Variants in LMO7 observed in about 807,000 individuals in gnomAD.
LMO7 encodes LIM domain 7.
A neutral mutation model predicts 206.5 loss-of-function variants in LMO7; 120 were observed. That is an observed-to-expected ratio of 0.58 (90% CI 0.50 to 0.68). The LOEUF (loss-of-function observed/expected upper bound fraction) is 0.68, where lower values mean the gene tolerates loss of function less well. Ranked by LOEUF, LMO7 falls within the 30% of genes least tolerant of loss-of-function variation. The pLI, the probability that LMO7 is intolerant of heterozygous loss-of-function variation, is 0.00. For synonymous variants in LMO7, 706 were observed against 681.5 expected (o/e 1.04, Z -0.56); for missense variants, 1,959 against 1,957.9 (o/e 1.00, Z -0.01).
intron 1 of LMO7, among the ~76,000 whole-genome samples, chr13:75,700,347 T>G (rs535297138): frequency 1.4e-4 from 22 of 152,246 alleles, no homozygotes; most frequent in Non-Finnish European, 2.9e-4. Flanking sequence ...ACAATTTATG[T>G]TCAGAGATTG....
At chr13:75,709,295 T>A (rs554761975) in intron 1 of LMO7, among the ~76,000 whole-genome samples, 2 of 152,234 alleles carry the variant, frequency 1.3e-5, no homozygotes, top group Non-Finnish European at 2.9e-5. Flanking sequence ...TGATTTATAA[T>A]CCTTTGGGTA....
chr13:75,798,014 G>A (rs940296061), intron 6 of LMO7, among the ~76,000 whole-genome samples: 3 of 152,100 alleles, frequency 2.0e-5, no homozygotes, highest in Non-Finnish European at 1.5e-5. Context: ...AATTTCAGGG[G>A]GCTTTGAGCA....
At chr13:75,819,949 G>T (rs908973037) in intron 13 of LMO7, among the ~76,000 whole-genome samples, 1 of 152,128 alleles carries the variant, frequency 6.6e-6, no homozygotes, top group Non-Finnish European at 1.5e-5. Flanking sequence ...GTTTAATGGT[G>T]CAATTCATTA....
At chr13:75,636,213 A>T (rs1593953137), upstream of LMO7, 2 of 797,114 alleles carry the variant, frequency 2.5e-6, no homozygotes, top group Non-Finnish European at 3.0e-6. Context: ...GAGCCCGGGG[A>T]GCCAAGGGAG....
chr13:75,779,713 A>G (rs1200818639), intron 4 of LMO7, among the ~76,000 whole-genome samples: 1 of 152,198 alleles, frequency 6.6e-6, no homozygotes, highest in Non-Finnish European at 1.5e-5. Context: ...GGAAAAATTG[A>G]CATAACGCAT....
In LMO7 at chr13:75,807,891, T is replaced by C. The variant is rs765584143; in HGVS notation, c.1608T>C (p.Asp536=). Residue 536 remains aspartate (D), a synonymous_variant, in exon 10 of 31, where the codon GAT becomes GAC. Coordinates refer to ENST00000377534, the MANE Select transcript of LMO7 (RefSeq NM_001306080.2). ...AAGTGCCGCTGTCTGGGGCCCCAGATAGATACCACCCAGTCCCTTTTCCCG... is the reference window on the plus strand; with the variant it reads ...AAGTGCCGCTGTCTGGGGCCCCAGACAGATACCACCCAGTCCCTTTTCCCG... ...KKEVPLSGAP[D]RYHPVPFPEP... The C allele has an allele frequency of 7.4e-6, 12 of 1,613,944 alleles. No individual in the cohort carries two copies. In the Admixed American group the frequency reaches 1.5e-4, roughly 20 times the overall value.
At chr13:75,714,490 T>G (rs879745369) in intron 2 of LMO7, among the ~76,000 whole-genome samples, 1 of 152,192 alleles carries the variant, frequency 6.6e-6, no homozygotes, top group Non-Finnish European at 1.5e-5. Context: ...TTAATTTTGT[T>G]CCATATGAAG....
rs1216074423 is a variant in LMO7, at chr13:75,754,223, T to C, written c.211-6709T>C. Among the ~76,000 whole-genome samples the C allele has an allele frequency of 5.3e-5, 8 of 152,236 alleles. No homozygotes were observed. In the East Asian group the frequency reaches 1.5e-3, roughly 29 times the overall value. ...ATTCAGCTTCTGGCAACTACCAACCTGCATTTCGTCTCTGGATTTATCCAT... is the reference window on the plus strand; with the variant it reads ...ATTCAGCTTCTGGCAACTACCAACCCGCATTTCGTCTCTGGATTTATCCAT... On this transcript the variant is annotated intron_variant, in intron 3 of 30. Coordinates refer to ENST00000377534, the MANE Select transcript of LMO7 (RefSeq NM_001306080.2).
chr13:75,755,479 T>C (rs1208407114), intron 3 of LMO7, among the ~76,000 whole-genome samples: 2 of 152,164 alleles, frequency 1.3e-5, no homozygotes, highest in Non-Finnish European at 2.9e-5. Flanking sequence ...TAACTGTCCT[T>C]TAAATGCTGG....
intron 1 of LMO7, among the ~76,000 whole-genome samples, chr13:75,686,708 G>A (rs987986120): frequency 6.6e-6 from 1 of 152,104 alleles, no homozygotes; most frequent in Non-Finnish European, 1.5e-5. Flanking sequence ...ACATTGAGGA[G>A]AAGATGTGCA....
intron 27 of LMO7, 42 bp from the exon 28 acceptor site, chr13:75,853,050 G>T (rs2060621609): frequency 6.8e-7 from 1 of 1,460,298 alleles, no homozygotes; most frequent in Non-Finnish European, 9.3e-7. Flanking sequence ...ATTTCTAGTT[G>T]AACATGTCAC....
At chr13:75,666,232 A>G (rs2039062885) in intron 1 of LMO7, among the ~76,000 whole-genome samples, 1 of 152,206 alleles carries the variant, frequency 6.6e-6, no homozygotes, top group South Asian at 2.1e-4. Context: ...TTGGAACGTT[A>G]AGCTTGTGGG....
intron 3 of LMO7, among the ~76,000 whole-genome samples, chr13:75,731,175 G>A (rs1352779957): frequency 2.0e-5 from 3 of 152,102 alleles, no homozygotes; most frequent in African/African-American, 7.2e-5. Flanking sequence ...TTCAATTCCT[G>A]GGTATCCTTG....
intron 1 of LMO7, among the ~76,000 whole-genome samples, chr13:75,668,747 A>G (rs2039289081): frequency 6.6e-6 from 1 of 152,196 alleles, no homozygotes; most frequent in Non-Finnish European, 1.5e-5. Flanking sequence ...TCCCAGAAGT[A>G]GAATTGTGAT....
intron 15 of LMO7, among the ~76,000 whole-genome samples, chr13:75,831,181 A>G (rs1344750812): frequency 6.6e-6 from 1 of 152,180 alleles, no homozygotes; most frequent in African/African-American, 2.4e-5. Flanking sequence ...TTATGACTAC[A>G]TCTGCATTTC....
upstream of LMO7, among the ~76,000 whole-genome samples, chr13:75,632,644 T>C (rs761271405): frequency 6.6e-6 from 1 of 152,230 alleles, no homozygotes; most frequent in Non-Finnish European, 1.5e-5. Flanking sequence ...TGTGCACTTC[T>C]TAACATTCTG....
intron 1 of LMO7, among the ~76,000 whole-genome samples, chr13:75,651,978 T>C (rs1221831986): frequency 1.3e-5 from 2 of 152,222 alleles, no homozygotes; most frequent in African/African-American, 4.8e-5. Flanking sequence ...TGTCACTGCC[T>C]CCAACAATAT....
chr13:75,647,280 C>G (rs543674563), intron 1 of LMO7, among the ~76,000 whole-genome samples: 5 of 152,210 alleles, frequency 3.3e-5, no homozygotes, highest in African/African-American at 9.6e-5. Context: ...TCTTTTTAGC[C>G]CTGTGACATG....
Position 75,636,344 on chromosome 13 carries a change from G to T in LMO7, c.-314G>T. 1 of 1,216,162 alleles carries T rather than the reference G, an allele frequency of 8.2e-7. No individual in the cohort carries two copies. The highest frequency in any genetic ancestry group is 1.7e-5 in the South Asian group (1 of 57,248). The allele number at this position is 1,216,162 out of a possible 1,614,324, so 75.3% of individuals were successfully genotyped here. A position where few individuals can be genotyped will look rare whatever the true frequency, so the allele number is the denominator to read the frequency against. On this transcript the variant is annotated 5_prime_UTR_variant, in exon 1 of 31. Transcript: ENST00000377534. ...TTTTGAAGTCCAAACTGTCGTCGGGGCTGGTGCCGCGCGCTGCCGCTGGGC... is the reference window on the plus strand; with the variant it reads ...TTTTGAAGTCCAAACTGTCGTCGGGTCTGGTGCCGCGCGCTGCCGCTGGGC...
Sources: allele counts gnomAD v4.1 joint callset (sites outside exome capture counted in the v4.1 genomes callset), GRCh38; gene constraint gnomAD v4.1.1; transcripts MANE v1.5; gene names NCBI Gene and HGNC (gene_info 2026-07-23, HGNC 2026-07-21).